The following PLPPR1 variants were observed in gnomAD, a reference collection of about 807,000 sequenced individuals.
The protein encoded by PLPPR1 is phospholipid phosphatase related 1.
PLPPR1 carries 10 observed loss-of-function variants against 33.1 expected under a neutral mutation model. The ratio of observed to expected loss-of-function variants is 0.30; its 90% confidence interval spans 0.19 to 0.51. The LOEUF is 0.51. Among genes scored for constraint, PLPPR1 ranks in the 20% least tolerant of loss-of-function variants. The probability of loss-of-function intolerance (pLI) is 0.97; values close to 1 mark genes in which losing one functional copy is unlikely to be tolerated. For missense variants in PLPPR1, 304 were observed against 408.1 expected, an observed-to-expected ratio of 0.74 and a Z score of 2.20; for synonymous variants, 151 against 151.0, an observed-to-expected ratio of 1.00 and a Z score of 0.00.
chr9:101,164,401 C>T (rs531885170), intron 1 of PLPPR1, among the ~76,000 whole-genome samples: 80 of 146,078 alleles, frequency 5.5e-4, no homozygotes, highest in Middle Eastern at 3.8e-3. Flanking sequence ...CTTGCTCTGT[C>T]GCTCAGGCTG....
chr9:101,095,945 G>T (rs969574814), intron 1 of PLPPR1, among the ~76,000 whole-genome samples: 20 of 152,132 alleles, frequency 1.3e-4, no homozygotes. Flanking sequence ...CCAATCAAAA[G>T]CTTCCCTGAA....
At chr9:101,308,798 G>A (rs907784733) in intron 4 of PLPPR1, among the ~76,000 whole-genome samples, 1 of 152,060 alleles carries the variant, frequency 6.6e-6, no homozygotes, top group East Asian at 1.9e-4. Context: ...GATTAATTAC[G>A]TAGACACCAT....
chr9:101,123,056 C>G (rs1285500580), intron 1 of PLPPR1, among the ~76,000 whole-genome samples: 2 of 152,192 alleles, frequency 1.3e-5, no homozygotes, highest in African/African-American at 2.4e-5. Flanking sequence ...AATTACTGTT[C>G]TGAAGCTTCT....
At chr9:101,044,672 A>G (rs541824062) in intron 1 of PLPPR1, among the ~76,000 whole-genome samples, 1 of 152,180 alleles carries the variant, frequency 6.6e-6, no homozygotes, top group Non-Finnish European at 1.5e-5. Flanking sequence ...AGCAATGTGA[A>G]ACTCAAATTT....
At chr9:101,075,132 C>G (rs888782707) in intron 1 of PLPPR1, among the ~76,000 whole-genome samples, 8 of 152,056 alleles carry the variant, frequency 5.3e-5, no homozygotes, top group African/African-American at 1.4e-4. Flanking sequence ...AGAAGTATAT[C>G]TTTTATATTT....
At position 101,111,570 on chromosome 9, in the gene PLPPR1, C is replaced by A. The variant is rs75190463; in HGVS notation, c.-45-73880C>A. 8.2e-3 allele frequency among the ~76,000 whole-genome samples: 1,243 copies of A among 152,204 alleles called. 10 individuals carry two copies. Among genetic ancestry groups the A allele is most frequent in the African/African-American group, 0.029 (1,188 of 41,536 alleles). Reference sequence around the variant, plus strand: ...CCTAAATAACATTAAATTATCAATGCAATTTGGTATGATTTGTCAATATTC... The same window carrying A: ...CCTAAATAACATTAAATTATCAATGAAATTTGGTATGATTTGTCAATATTC... On this transcript the variant is annotated intron_variant, in intron 1 of 7. Coordinates refer to ENST00000374874, the MANE Select transcript of PLPPR1 (RefSeq NM_207299.2).
chr9:101,159,008 T>G (rs1831737930), intron 1 of PLPPR1, among the ~76,000 whole-genome samples: 1 of 152,196 alleles, frequency 6.6e-6, no homozygotes, highest in Non-Finnish European at 1.5e-5. Context: ...ATTCATAAAC[T>G]TTCAATTTTG....
chr9:101,063,261 A>G (rs1010476078), intron 1 of PLPPR1, among the ~76,000 whole-genome samples: 3 of 152,042 alleles, frequency 2.0e-5, no homozygotes, highest in African/African-American at 4.8e-5. Flanking sequence ...CTGAAGGTGG[A>G]AGAAATGATG....
In PLPPR1 at chr9:101,317,348, T is replaced by G; in HGVS notation, c.814-17T>G. 6.2e-7 allele frequency: 1 copy of G among 1,609,408 alleles called. No individual in the cohort carries two copies. The highest frequency in any genetic ancestry group is 1.1e-5 in the South Asian group (1 of 90,260). On this transcript the variant is annotated splice_polypyrimidine_tract_variant and intron_variant, in intron 6 of 7. Transcript: ENST00000374874. Reference sequence around the variant, plus strand: ...GCTGCAGTCTGACCCCATTCTTTTTTCCCCCTCATCCTGCAGGGAATGTGT... The same window carrying G: ...GCTGCAGTCTGACCCCATTCTTTTTGCCCCCTCATCCTGCAGGGAATGTGT...
At chr9:101,162,861 G>T (rs544340615) in intron 1 of PLPPR1, among the ~76,000 whole-genome samples, 1 of 152,058 alleles carries the variant, frequency 6.6e-6, no homozygotes, top group African/African-American at 2.4e-5. Flanking sequence ...TGCTTTTTAG[G>T]TTTTTCTTGC....
intron 1 of PLPPR1, among the ~76,000 whole-genome samples, chr9:101,155,185 G>A (rs149731310): frequency 6.6e-6 from 1 of 151,976 alleles, no homozygotes; most frequent in Non-Finnish European, 1.5e-5. Context: ...CATTTGAGTA[G>A]GGTGACTGAC....
At chr9:101,154,389 C>T (rs1282387105) in intron 1 of PLPPR1, among the ~76,000 whole-genome samples, 1 of 152,094 alleles carries the variant, frequency 6.6e-6, no homozygotes, top group Non-Finnish European at 1.5e-5. Flanking sequence ...AATTTCAGAC[C>T]TGTTATTGGT....
chr9:101,265,353 A>G (rs1168236633), intron 2 of PLPPR1, among the ~76,000 whole-genome samples: 2 of 152,202 alleles, frequency 1.3e-5, no homozygotes, highest in Non-Finnish European at 2.9e-5. Context: ...ATACTCCCAC[A>G]GCCATAATTG....
At chr9:101,052,450 G>C (rs943441661) in intron 1 of PLPPR1, among the ~76,000 whole-genome samples, 1 of 152,102 alleles carries the variant, frequency 6.6e-6, no homozygotes, top group Non-Finnish European at 1.5e-5. Flanking sequence ...TCACAGCAAG[G>C]AACAATCTAT....
intron 1 of PLPPR1, among the ~76,000 whole-genome samples, chr9:101,174,213 G>A (rs2118695334): frequency 6.6e-6 from 1 of 152,250 alleles, no homozygotes; most frequent in South Asian, 2.1e-4. Context: ...TCAAAGTGCA[G>A]AATTCTTGGG....
At chr9:101,322,026 C>T (rs921257097) in intron 7 of PLPPR1, among the ~76,000 whole-genome samples, 2 of 148,552 alleles carry the variant, frequency 1.3e-5, no homozygotes, top group South Asian at 2.1e-4. Context: ...GGTGAAACCC[C>T]GTCTCTACTA....
chr9:101,183,417 T>G (rs1474561417), intron 1 of PLPPR1, among the ~76,000 whole-genome samples: 3 of 151,798 alleles, frequency 2.0e-5, no homozygotes, highest in African/African-American at 4.8e-5. Context: ...GGTCGTGTAT[T>G]ATATTATTCT....
At chr9:101,219,764 G>C (rs1826888389) in intron 2 of PLPPR1, among the ~76,000 whole-genome samples, 1 of 152,038 alleles carries the variant, frequency 6.6e-6, no homozygotes, top group South Asian at 2.1e-4. Context: ...AGTTCTAATT[G>C]GGTAATCAAG....
At chr9:101,237,991 A>AGGC (rs1197701161) in intron 2 of PLPPR1, among the ~76,000 whole-genome samples, 2 of 136,600 alleles carry the variant, frequency 1.5e-5, no homozygotes, top group Non-Finnish European at 3.2e-5. Flanking sequence ...ATATATATAT[A>AGGC]TATATATATA....
Sources: gnomAD v4.1 joint callset for allele counts (sites outside exome capture counted in the v4.1 genomes callset) on GRCh38, gnomAD v4.1.1 for gene constraint, MANE v1.5 for transcripts, NCBI Gene and HGNC (gene_info 2026-07-23, HGNC 2026-07-21) for gene names.